The following NR4A3 variants were observed in gnomAD, a reference collection of about 807,000 sequenced individuals.
NR4A3 encodes the protein nuclear receptor subfamily 4 group A member 3, also known as chondrosarcoma, extraskeletal myxoid, fused to EWS.
A neutral mutation model predicts 55.6 loss-of-function variants in NR4A3; 13 were observed. That is an observed-to-expected ratio of 0.23 (90% CI 0.15 to 0.37). The LOEUF (loss-of-function observed/expected upper bound fraction) is 0.37, where lower values mean the gene tolerates loss of function less well. Among genes scored for constraint, NR4A3 ranks in the 10% least tolerant of loss-of-function variants. The probability of loss-of-function intolerance (pLI) is 1.00; values close to 1 mark genes in which losing one functional copy is unlikely to be tolerated. For missense variants in NR4A3, 646 were observed against 822.8 expected (o/e 0.79, Z 2.63); for synonymous variants, 342 against 357.9 (o/e 0.96, Z 0.50).
chr9:99,846,772 T>C (rs750980764), intron 6 of NR4A3, among the ~76,000 whole-genome samples: 2 of 152,150 alleles, frequency 1.3e-5, no homozygotes, highest in Non-Finnish European at 2.9e-5. Flanking sequence ...CTCAAGCTCC[T>C]GAGTAGCTGG....
At chr9:99,861,223 C>A (rs961286032) in intron 7 of NR4A3, among the ~76,000 whole-genome samples, 1 of 152,190 alleles carries the variant, frequency 6.6e-6, no homozygotes, top group Admixed American at 6.5e-5. Flanking sequence ...ATTTTAATAT[C>A]ATTATAACAT....
chr9:99,832,496 G>A (rs149091708), intron 3 of NR4A3, among the ~76,000 whole-genome samples, 193 bp from the exon 4 acceptor site: 5 of 152,268 alleles, frequency 3.3e-5, no homozygotes, highest in East Asian at 1.9e-4. Flanking sequence ...AGAACAATCC[G>A]AGATGATTTT....
chr9:99,826,924 A>G, intron 2 of NR4A3: 2 of 865,246 alleles, frequency 2.3e-6, no homozygotes, highest in Non-Finnish European at 3.6e-6. Context: ...AAAACCAACC[A>G]CCAAAAACCG....
At chr9:99,849,718 C>CA (rs2118129858) in intron 7 of NR4A3, among the ~76,000 whole-genome samples, 1 of 152,336 alleles carries the variant, frequency 6.6e-6, no homozygotes, top group Non-Finnish European at 1.5e-5. Flanking sequence ...TACATTGCTT[C>CA]ATCTCCATGG....
At chr9:99,827,050 G>C (rs559552924) in intron 2 of NR4A3, among the ~76,000 whole-genome samples, 156 of 152,250 alleles carry the variant, frequency 1.0e-3, no homozygotes, top group African/African-American at 3.7e-3. Context: ...CTGAACAATA[G>C]TAAGCACCCT....
chr9:99,831,112 T>A (rs1398565591), intron 3 of NR4A3, among the ~76,000 whole-genome samples: 2 of 152,224 alleles, frequency 1.3e-5, no homozygotes, highest in Non-Finnish European at 2.9e-5. Flanking sequence ...AATTCGGTGA[T>A]TGAACCATAA....
At chr9:99,824,772 C>T (rs980839650) in intron 1 of NR4A3, among the ~76,000 whole-genome samples, 2 of 152,258 alleles carry the variant, frequency 1.3e-5, no homozygotes, top group African/African-American at 4.8e-5. Flanking sequence ...CCAGTTCCTT[C>T]CCTGAGGCCT....
rs1409039845 is a variant in NR4A3 at position 99,866,055 on chromosome 9, A to G, written c.*2188A>G. 3 of 214,748 alleles carry G rather than the reference A, an allele frequency of 1.4e-5. No individual in the cohort carries two copies. The highest frequency in any genetic ancestry group is 2.8e-5 in the Non-Finnish European group (3 of 106,260). 13.3% of individuals were successfully genotyped at this position (214,748 alleles called of 1,614,324 possible). A position where few individuals can be genotyped will look rare whatever the true frequency, so the allele number is the denominator to read the frequency against. Reference sequence around the variant, plus strand: ...TTTTTTCTCAACTTCATCTATATAAAATCAGGCTTTTAAACATAACCACTA... The same window carrying G: ...TTTTTTCTCAACTTCATCTATATAAGATCAGGCTTTTAAACATAACCACTA... On this transcript the variant is annotated 3_prime_UTR_variant, in exon 8 of 8. Transcript: ENST00000395097.
In NR4A3 at chr9:99,832,555, G is replaced by A. The variant is rs567575675; in HGVS notation, c.952-134G>A. 2.7e-4 allele frequency: 186 copies of A among 685,136 alleles called. 1 individual carries two copies. In the East Asian group the frequency reaches 4.9e-3, roughly 18 times the overall value. The allele number at this position is 685,136 out of a possible 1,614,324, so 42.4% of individuals were successfully genotyped here. A position where few individuals can be genotyped will look rare whatever the true frequency, so the allele number is the denominator to read the frequency against. On this transcript the variant is annotated intron_variant, in intron 3 of 7. Coordinates refer to ENST00000395097, the MANE Select transcript of NR4A3 (RefSeq NM_006981.4). ...AAAATTGTTTTTCCTGCAGGCTAGC[G>A]TTTTAGGAAATTAAATTTATCGAAT...
intron 7 of NR4A3, among the ~76,000 whole-genome samples, chr9:99,861,712 A>C (rs903136612): frequency 5.9e-5 from 9 of 152,232 alleles, no homozygotes; most frequent in Admixed American, 2.0e-4. Flanking sequence ...GGACAAGAAA[A>C]AAGTGTCTGG....
Position 99,828,927 on chromosome 9 carries a change from CG to C in NR4A3, c.889del (p.Asp297ThrfsTer40). On this transcript the variant is annotated frameshift_variant, in exon 3 of 8. Transcript: ENST00000395097. LOFTEE classifies it high-confidence loss of function. This position sits in a 1 kb window ranked among gnomAD's most constrained non-coding sequence, Gnocchi z 7.7. Reference sequence around the variant, plus strand: ...CTGGCGAGGGCACGTGTGCCGTGTGCGGGGACAACGCCGCCTGCCAGCACTA... The same window carrying C: ...CTGGCGAGGGCACGTGTGCCGTGTGCGGGACAACGCCGCCTGCCAGCACTA... ...SSGEGTCAVC[G>X]DNAACQHYGV... The C allele has an allele frequency of 1.4e-6, 2 of 1,453,680 alleles. No individual in the cohort carries two copies. The highest frequency in any genetic ancestry group is 2.7e-5 in the East Asian group (1 of 36,520). 90.0% of individuals were successfully genotyped at this position (1,453,680 alleles called of 1,614,324 possible).
At chr9:99,862,326 T>G (rs1021803180) in intron 7 of NR4A3, among the ~76,000 whole-genome samples, 1 of 151,718 alleles carries the variant, frequency 6.6e-6, no homozygotes, top group Non-Finnish European at 1.5e-5. Context: ...GGAGGATTAC[T>G]TGAGGTCAGG....
intron 2 of NR4A3, among the ~76,000 whole-genome samples, chr9:99,827,108 C>T (rs1429118795): frequency 1.6e-4 from 25 of 152,148 alleles, no homozygotes; most frequent in Admixed American, 1.6e-3. Context: ...GCAGAGAAAT[C>T]AAGTCTATTG....
At chr9:99,856,006 T>G (rs939280489) in intron 7 of NR4A3, among the ~76,000 whole-genome samples, 1 of 152,114 alleles carries the variant, frequency 6.6e-6, no homozygotes, top group Non-Finnish European at 1.5e-5. Flanking sequence ...GAGGCAGAAC[T>G]GGGAACTACA....
intron 7 of NR4A3, among the ~76,000 whole-genome samples, chr9:99,862,117 T>C (rs1015808773): frequency 6.6e-6 from 1 of 151,792 alleles, no homozygotes; most frequent in Non-Finnish European, 1.5e-5. Context: ...ATTAATTTTG[T>C]AAAAATTAGA....
chr9:99,847,404 C>G, intron 6 of NR4A3, 33 bp from the exon 7 acceptor site: 1 of 1,600,686 alleles, frequency 6.2e-7, no homozygotes, highest in South Asian at 1.1e-5. Context: ...TTGAACAGAC[C>G]TGTTTAATGT....
chr9:99,865,301 A>AAT lies in NR4A3; in HGVS notation c.*1450_*1451dup, dbSNP rs34711370. The stretch of plus-strand genomic sequence containing the variant: ...ACACCAATTAGAAATTAAATAAGCA[A>AAT]ATATATATATATATATAAATATAGC... On this transcript the variant is annotated 3_prime_UTR_variant, in exon 8 of 8. Coordinates refer to ENST00000395097, the MANE Select transcript of NR4A3 (RefSeq NM_006981.4). The surrounding 1 kb of genome is among the most constrained non-coding windows in gnomAD (Gnocchi z 4.3). 54,158 of 163,416 alleles carry AAT rather than the reference A, an allele frequency of 0.33. 8,970 individuals carry two copies. Among genetic ancestry groups the AAT allele is most frequent in the Non-Finnish European group, 0.39 (29,810 of 75,602 alleles). The allele number at this position is 163,416 out of a possible 1,614,324, so 10.1% of individuals were successfully genotyped here. A position where few individuals can be genotyped will look rare whatever the true frequency, so the allele number is the denominator to read the frequency against.
At chr9:99,838,048 C>G (rs1397544816) in intron 5 of NR4A3, among the ~76,000 whole-genome samples, 1 of 152,194 alleles carries the variant, frequency 6.6e-6, no homozygotes, top group African/African-American at 2.4e-5. Flanking sequence ...CAAAAGTGAG[C>G]TCAGATCATT....
intron 7 of NR4A3, among the ~76,000 whole-genome samples, chr9:99,856,308 C>G (rs923723698): frequency 3.4e-4 from 51 of 151,748 alleles, no homozygotes; most frequent in African/African-American, 1.2e-3. Flanking sequence ...TCATAAGGAA[C>G]GTGCAACCTA....
Sources: gnomAD v4.1 joint callset for allele counts (sites outside exome capture counted in the v4.1 genomes callset) on GRCh38, gnomAD v4.1.1 for gene constraint, Gnocchi (gnomAD v3.1) non-coding constraint, MANE v1.5 for transcripts, NCBI Gene and HGNC (gene_info 2026-07-23, HGNC 2026-07-21) for gene names.